The following SLC12A7 variants were observed in gnomAD, a reference collection of about 807,000 sequenced individuals.
SLC12A7 encodes the protein K-Cl cotransporter 4.
SLC12A7 carries 100 observed loss-of-function variants against 120.6 expected under a neutral mutation model. The ratio of observed to expected loss-of-function variants is 0.83; its 90% CI spans 0.71 to 0.98. SLC12A7 has a LOEUF of 0.98. SLC12A7 is among the 50% of genes least tolerant of loss of function. The pLI, the probability that SLC12A7 is intolerant of heterozygous loss-of-function variation, is 0.00. For synonymous variants in SLC12A7, 760 were observed against 678.0 expected (o/e 1.12, Z -1.88); for missense variants, 1,373 against 1,548.1 (o/e 0.89, Z 1.90).
the SLC12A7 span, among the ~76,000 whole-genome samples, chr5:1,127,986 C>T: frequency 2.0e-5 from 3 of 152,336 alleles, no homozygotes; most frequent in East Asian, 5.8e-4. Flanking sequence ...AGGGCTGCGA[C>T]GTCCTGGTTT....
At chr5:1,077,302 C>T (rs1454650475) in intron 12 of SLC12A7, among the ~76,000 whole-genome samples, 1 of 152,218 alleles carries the variant, frequency 6.6e-6, no homozygotes, top group Non-Finnish European at 1.5e-5. Flanking sequence ...CAGCGACGGG[C>T]AAGGATGGCT....
the SLC12A7 span, among the ~76,000 whole-genome samples, chr5:1,147,148 GA>G: frequency 1.3e-5 from 2 of 151,874 alleles, no homozygotes; most frequent in African/African-American, 4.8e-5. Flanking sequence ...CAAATGAACG[GA>G]ACACCCCTCT....
the SLC12A7 span, among the ~76,000 whole-genome samples, chr5:1,143,010 C>CTCCCCTG: frequency 6.6e-6 from 1 of 151,970 alleles, no homozygotes; most frequent in Non-Finnish European, 1.5e-5. Flanking sequence ...GAGAGGCGGC[C>CTCCCCTG]AAAGAAGGCT....
At chr5:1,112,350 G>GCCCTCCCC (rs1561119764), upstream of SLC12A7, among the ~76,000 whole-genome samples, 2 of 12,354 alleles carry the variant, frequency 1.6e-4, no homozygotes, top group Non-Finnish European at 3.6e-4. Context: ...CGCCCTCCCC[G>GCCCTCCCC]GCCCCCTCCC....
rs765550440 is a variant in SLC12A7, at chr5:1,087,037, C to G, written c.545-4G>C. 6.2e-7 allele frequency: 1 copy of G among 1,609,936 alleles called. No homozygotes were observed. Among genetic ancestry groups the G allele is most frequent in the East Asian group, 2.2e-5 (1 of 44,830 alleles). ...ATCATGTAGTAGGACCCGCCAGCTGCGGAGACAAAGGCGGCAGCCGCGGGT... is the reference window on the plus strand; with the variant it reads ...ATCATGTAGTAGGACCCGCCAGCTGGGGAGACAAAGGCGGCAGCCGCGGGT... On this transcript the variant is annotated splice_polypyrimidine_tract_variant and splice_region_variant and intron_variant, in intron 5 of 23. Transcript: ENST00000264930.
At chr5:1,096,131 TGGTGACTGCACTGCA>T (rs1741110056) in intron 1 of SLC12A7, among the ~76,000 whole-genome samples, 1 of 152,230 alleles carries the variant, frequency 6.6e-6, no homozygotes, top group African/African-American at 2.4e-5. Context: ...TCCCTGATTC[TGGTGACTGCACTGCA>T]GAGATTCTGA....
chr5:1,058,751 T>C (rs1735884375), intron 21 of SLC12A7, among the ~76,000 whole-genome samples: 1 of 152,198 alleles, frequency 6.6e-6, no homozygotes, highest in Non-Finnish European at 1.5e-5. Flanking sequence ...CCAGCCTAAA[T>C]TTCCCATGGC....
intron 1 of SLC12A7, 98 bp from the exon 2 acceptor site, chr5:1,094,346 C>T (rs1579413702): frequency 3.7e-6 from 3 of 812,472 alleles, no homozygotes; most frequent in African/African-American, 1.7e-5. Flanking sequence ...CTGGTCCCCA[C>T]CAGCTGTCAC....
At chr5:1,114,021 A>G (rs1172840023), upstream of SLC12A7, among the ~76,000 whole-genome samples, 1 of 152,206 alleles carries the variant, frequency 6.6e-6, no homozygotes, top group Non-Finnish European at 1.5e-5. Flanking sequence ...GCTGCCCGCC[A>G]TGTGCTGGCT....
rs576673442 is a variant in SLC12A7 at position 1,079,825 on chromosome 5, T to C, written c.1298-329A>G. 3.3e-5 allele frequency among the ~76,000 whole-genome samples: 5 copies of C among 152,004 alleles called. No homozygotes were observed. In the East Asian group the frequency reaches 5.9e-4, roughly 18 times the overall value. On this transcript the variant is annotated intron_variant, in intron 9 of 23. Transcript: ENST00000264930. ...TGGCCAAGGGTCAGCCCAGAGACGG[T>C]GCTGAGCAATGGCTCACAGGCCCCC...
chr5:1,087,685 G>A (rs946268888), intron 5 of SLC12A7, among the ~76,000 whole-genome samples: 22 of 152,368 alleles, frequency 1.4e-4, no homozygotes, highest in Middle Eastern at 3.4e-3. Context: ...GACCAGCTGC[G>A]TGAGGACCTG....
At chr5:1,055,580 C>T (rs1228791971) in intron 22 of SLC12A7, among the ~76,000 whole-genome samples, 1 of 152,176 alleles carries the variant, frequency 6.6e-6, no homozygotes, top group East Asian at 1.9e-4. Context: ...ATACAAAGCC[C>T]ACGCGTTGTC....
chr5:1,058,331 T>A (rs764824795), intron 21 of SLC12A7, among the ~76,000 whole-genome samples: 46 of 152,204 alleles, frequency 3.0e-4, no homozygotes, highest in Non-Finnish European at 5.7e-4. Flanking sequence ...GGGTTCTCAT[T>A]CCTCCCTGCA....
rs1561055822 is a variant in SLC12A7, at chr5:1,073,569, G to A, written c.2241+64C>T. The stretch of plus-strand genomic sequence containing the variant: ...GACACGCTGCGATGAGGACATGCCA[G>A]GGCACGTTTCCTGTGCAGCTGGGGT... On this transcript the variant is annotated intron_variant, in intron 17 of 23. Transcript: ENST00000264930. 67 of 1,495,950 alleles carry A rather than the reference G, an allele frequency of 4.5e-5. 1 individual carries two copies. The highest frequency in any genetic ancestry group is 6.1e-5 in the Non-Finnish European group (67 of 1,102,818). 92.7% of individuals were successfully genotyped at this position (1,495,950 alleles called of 1,614,324 possible).
In SLC12A7 at chr5:1,111,870, G is replaced by A; in HGVS notation, c.122C>T (p.Pro41Leu). 2 of 1,216,912 alleles carry A rather than the reference G, an allele frequency of 1.6e-6. No individual in the cohort carries two copies. Among genetic ancestry groups the A allele is most frequent in the South Asian group, 3.8e-5 (1 of 26,476 alleles). The allele number at this position is 1,216,912 out of a possible 1,614,324, so 75.4% of individuals were successfully genotyped here. Residue 41 changes from proline (P) to leucine (L), a missense_variant and splice_region_variant, in exon 1 of 24, where the codon CCG becomes CTG. By Grantham distance (98) the Pro-to-Leu change is moderately conservative. Coordinates refer to ENST00000264930, the MANE Select transcript of SLC12A7 (RefSeq NM_006598.3). Reference protein sequence around the residue: ...PEGPEPERPSPGDGNPRENSP... With the variant: ...PEGPEPERPSLGDGNPRENSP... Reference sequence around the variant, plus strand: ...CGGCCAGGTGCGGCCGCGCTCACCCGGGCTGGGGCGCTCGGGCTCGGGGCC... The same window carrying A: ...CGGCCAGGTGCGGCCGCGCTCACCCAGGCTGGGGCGCTCGGGCTCGGGGCC...
At chr5:1,137,316 T>A in the SLC12A7 span, among the ~76,000 whole-genome samples, 1 of 151,418 alleles carries the variant, frequency 6.6e-6, no homozygotes, top group Admixed American at 6.6e-5. Flanking sequence ...AACCAAGGAC[T>A]CCGAAGGACA....
chr5:1,054,759 A>G (rs1209796868), intron 22 of SLC12A7, among the ~76,000 whole-genome samples: 1 of 152,256 alleles, frequency 6.6e-6, no homozygotes, highest in Non-Finnish European at 1.5e-5. Context: ...CTTAAGCCAC[A>G]TAAACGTGAT....
At chr5:1,081,509 A>C (rs1022873952) in intron 9 of SLC12A7, 68 bp downstream of exon 9, 102 of 1,525,844 alleles carry the variant, frequency 6.7e-5, no homozygotes, top group Non-Finnish European at 9.0e-5. Flanking sequence ...GTGACAGAGC[A>C]AGACCTTGCC....
At position 1,073,789 on chromosome 5, in the gene SLC12A7, C is replaced by A; in HGVS notation, c.2085G>T (p.Leu695=). The A allele has an allele frequency of 6.9e-7, 1 of 1,441,988 alleles. No homozygotes were observed. Among genetic ancestry groups the A allele is most frequent in the Non-Finnish European group, 9.2e-7 (1 of 1,092,210 alleles). The allele number at this position is 1,441,988 out of a possible 1,614,324, so 89.3% of individuals were successfully genotyped here. The change falls in exon 17 of 24, where the codon CTG becomes CTT. Residue 695 remains leucine, a synonymous_variant. Coordinates refer to ENST00000264930, the MANE Select transcript of SLC12A7 (RefSeq NM_006598.3). ...GCTCCGCGTCCAGGTTCAGCATCACCAGCACCTGGGGCCTGCAGCCAGGGT... is the reference window on the plus strand; with the variant it reads ...GCTCCGCGTCCAGGTTCAGCATCACAAGCACCTGGGGCCTGCAGCCAGGGT... ...PHTKNWRPQV[L]VMLNLDAEQA...
Sources: allele counts gnomAD v4.1 joint callset (sites outside exome capture counted in the v4.1 genomes callset), GRCh38; gene constraint gnomAD v4.1.1; transcripts MANE v1.5; gene names NCBI Gene and HGNC (gene_info 2026-07-23, HGNC 2026-07-21).